Variants in TTBK2 observed in about 807,000 individuals in gnomAD.
TTBK2 encodes tau tubulin kinase 2.
In TTBK2, 28 loss-of-function variants were observed where a neutral mutation model predicts 110.8. The ratio of observed to expected loss-of-function variants is 0.25; its 90% confidence interval spans 0.19 to 0.35. The LOEUF is 0.35. Ranked by LOEUF, TTBK2 falls within the 10% of genes least tolerant of loss-of-function variation. The probability of loss-of-function intolerance (pLI) is 1.00; values close to 1 mark genes in which losing one functional copy is unlikely to be tolerated. For missense variants in TTBK2, 1,369 were observed against 1,500.3 expected, an observed-to-expected ratio of 0.91 and a Z score of 1.45; for synonymous variants, 532 against 527.3, an observed-to-expected ratio of 1.01 and a Z score of -0.12.
At chr15:42,791,589 T>C (rs1438546433) in intron 10 of TTBK2, among the ~76,000 whole-genome samples, 1 of 152,174 alleles carries the variant, frequency 6.6e-6, no homozygotes, top group Non-Finnish European at 1.5e-5. Flanking sequence ...TATGAGATAA[T>C]TTTGTCTTTG....
In TTBK2 at chr15:42,828,595, C is replaced by T. The variant is rs561690523; in HGVS notation, c.433-563G>A. ...AAAATTAACCGGGTGCGGTGGCGCG[C>T]GCCTGTTATTCCAGCTACTCAGGAA... On this transcript the variant is annotated intron_variant, in intron 5 of 14. Coordinates refer to ENST00000267890, the MANE Select transcript of TTBK2 (RefSeq NM_173500.4). 8.9e-4 allele frequency among the ~76,000 whole-genome samples: 134 copies of T among 151,404 alleles called. 3 individuals carry two copies. Among genetic ancestry groups the T allele is most frequent in the East Asian group, 5.1e-3 (26 of 5,136 alleles).
At chr15:42,868,250 T>G (rs553804399) in intron 3 of TTBK2, among the ~76,000 whole-genome samples, 1 of 152,308 alleles carries the variant, frequency 6.6e-6, no homozygotes, top group South Asian at 2.1e-4. Flanking sequence ...CCATCATAAG[T>G]TGAGGAGCAC....
At chr15:42,840,767 C>CAG (rs1437877407) in intron 3 of TTBK2, among the ~76,000 whole-genome samples, 2 of 152,118 alleles carry the variant, frequency 1.3e-5, no homozygotes, top group Non-Finnish European at 2.9e-5. Context: ...TATGAAGCCA[C>CAG]AGAAGAGCAA....
chr15:42,779,833 T>C (rs1450567961), intron 11 of TTBK2, among the ~76,000 whole-genome samples: 1 of 151,704 alleles, frequency 6.6e-6, no homozygotes, highest in African/African-American at 2.4e-5. Flanking sequence ...ATACAAAAAA[T>C]TAGTCGGGTG....
intron 9 of TTBK2, among the ~76,000 whole-genome samples, chr15:42,795,195 C>A (rs542853335): frequency 6.6e-6 from 1 of 151,100 alleles, no homozygotes; most frequent in Non-Finnish European, 1.5e-5. Context: ...AAAAAAGTAG[C>A]CAGTGTTAAC....
chr15:42,833,882 G>A (rs541764938), intron 4 of TTBK2, among the ~76,000 whole-genome samples: 5 of 152,104 alleles, frequency 3.3e-5, no homozygotes, highest in African/African-American at 4.8e-5. Flanking sequence ...TTGGCAGCGC[G>A]TGCCTGTAGT....
intron 10 of TTBK2, among the ~76,000 whole-genome samples, chr15:42,786,888 T>A (rs1385565407): frequency 1.3e-5 from 2 of 152,202 alleles, no homozygotes; most frequent in African/African-American, 4.8e-5. Flanking sequence ...AGGAAAATTA[T>A]ATCATGTTCA....
chr15:42,872,464 A>C (rs1894652559), intron 3 of TTBK2, 147 bp downstream of exon 3: 5 of 906,606 alleles, frequency 5.5e-6, no homozygotes, highest in African/African-American at 1.7e-5. Flanking sequence ...TAAAATTTCC[A>C]AGAGAAAAAT....
At chr15:42,903,815 A>G (rs1457637762) in intron 1 of TTBK2, among the ~76,000 whole-genome samples, 1 of 152,228 alleles carries the variant, frequency 6.6e-6, no homozygotes, top group Non-Finnish European at 1.5e-5. Flanking sequence ...CAGATAGGTT[A>G]TGAAAGACTG....
At position 42,738,831 on chromosome 15, in the gene TTBK2, A is replaced by G. The variant is rs1490187132; in HGVS notation, c.*6964T>C. ...AGTCCTGGGCTGCTTTTTCTAGGGAACTTCTAGATGTGGTACTGCATTTAC... is the reference window on the plus strand; with the variant it reads ...AGTCCTGGGCTGCTTTTTCTAGGGAGCTTCTAGATGTGGTACTGCATTTAC... On this transcript the variant is annotated 3_prime_UTR_variant, in exon 15 of 15. Coordinates refer to ENST00000267890, the MANE Select transcript of TTBK2 (RefSeq NM_173500.4). 1 of 152,150 alleles carries G rather than the reference A, an allele frequency of 6.6e-6. No individual in the cohort carries two copies. The highest frequency in any genetic ancestry group is 1.5e-5 in the Non-Finnish European group (1 of 68,030). 9.4% of individuals were successfully genotyped at this position (152,150 alleles called of 1,614,324 possible).
chr15:42,783,478 TCTCCTG>T lies in TTBK2; in HGVS notation c.1132_1137del (p.Gln378_Glu379del). ...GCATCCATCTCTTCCCAAACATCCTTCTCCTGGGGACGGGGGTGTCCCAGAGATCCA... is the reference window on the plus strand; with the variant it reads ...GCATCCATCTCTTCCCAAACATCCTTGGGACGGGGGTGTCCCAGAGATCCA... On this transcript the variant is annotated inframe_deletion, in exon 11 of 15. Transcript: ENST00000267890. 9 of 1,614,144 alleles carry T rather than the reference TCTCCTG, an allele frequency of 5.6e-6. No homozygotes were observed. Among genetic ancestry groups the T allele is most frequent in the Non-Finnish European group, 7.6e-6 (9 of 1,180,016 alleles).
At chr15:42,832,697 G>A (rs1892810581) in intron 4 of TTBK2, among the ~76,000 whole-genome samples, 1 of 152,124 alleles carries the variant, frequency 6.6e-6, no homozygotes, top group African/African-American at 2.4e-5. Context: ...AGGCCATTCT[G>A]AGTAGTGTGA....
intron 1 of TTBK2, among the ~76,000 whole-genome samples, chr15:42,897,102 C>T (rs1895696887): frequency 6.6e-6 from 1 of 152,098 alleles, no homozygotes; most frequent in South Asian, 2.1e-4. Flanking sequence ...TAGTCTTGAA[C>T]TCTTGACCTC....
At chr15:42,910,981 A>T (rs1242543275) in intron 1 of TTBK2, among the ~76,000 whole-genome samples, 2 of 150,416 alleles carry the variant, frequency 1.3e-5, no homozygotes, top group South Asian at 2.2e-4. Flanking sequence ...GAGGCGGAGG[A>T]TGCAGTGAGC....
At chr15:42,893,602 C>G (rs1296483513) in intron 1 of TTBK2, among the ~76,000 whole-genome samples, 2 of 150,592 alleles carry the variant, frequency 1.3e-5, no homozygotes, top group Non-Finnish European at 3.0e-5. Context: ...CAAACTAAAC[C>G]CAAAACAAGC....
intron 3 of TTBK2, among the ~76,000 whole-genome samples, chr15:42,853,081 A>G (rs1333470288): frequency 1.3e-5 from 2 of 152,230 alleles, no homozygotes; most frequent in East Asian, 3.8e-4. Context: ...AAAAAGGAGC[A>G]GTCATACTTT....
intron 3 of TTBK2, among the ~76,000 whole-genome samples, chr15:42,870,856 T>C (rs1894587518): frequency 6.9e-6 from 1 of 145,324 alleles, no homozygotes; most frequent in African/African-American, 2.6e-5. Flanking sequence ...CAAGACTCCG[T>C]CTCAAAAAAA....
At chr15:42,897,442 G>C (rs1321060435) in intron 1 of TTBK2, among the ~76,000 whole-genome samples, 1 of 151,904 alleles carries the variant, frequency 6.6e-6, no homozygotes, top group Non-Finnish European at 1.5e-5. Flanking sequence ...CATTTGACAA[G>C]AACCCCGACA....
At chr15:42,838,076 C>T (rs996199100) in intron 4 of TTBK2, among the ~76,000 whole-genome samples, 4 of 151,806 alleles carry the variant, frequency 2.6e-5, no homozygotes, top group East Asian at 3.9e-4. Flanking sequence ...GGCGTGGTGG[C>T]GACTACCTGT....
Sources: gnomAD v4.1 joint callset for allele counts (sites outside exome capture counted in the v4.1 genomes callset) on GRCh38, gnomAD v4.1.1 for gene constraint, MANE v1.5 for transcripts, NCBI Gene and HGNC (gene_info 2026-07-23, HGNC 2026-07-21) for gene names.